SMARCA1: variants seen among roughly 807,000 people sequenced by gnomAD.
SMARCA1 encodes the protein SWI/SNF-related matrix-associated actin-dependent regulator of chromatin subfamily A member 1.
SMARCA1 carries 17 observed loss-of-function variants against 93.6 expected under a neutral mutation model. That is an observed-to-expected ratio of 0.18 (90% CI 0.12 to 0.27). The LOEUF (loss-of-function observed/expected upper bound fraction) is 0.27. Among genes scored for constraint, SMARCA1 ranks in the 10% least tolerant of loss-of-function variants. SMARCA1 has a pLI of 1.00. For missense variants in SMARCA1, 630 were observed against 819.0 expected (o/e 0.77, Z 2.82); for synonymous variants, 271 against 271.4 (o/e 1.00, Z 0.01).
At chrX:129,447,288 C>A in intron 24 of SMARCA1, 55 bp from the exon 25 acceptor site, 1 of 1,094,262 alleles carries the variant, frequency 9.1e-7, no homozygotes, top group South Asian at 2.2e-5. Context: ...TTAAATGGCC[C>A]AACAATGTTA....
intron 23 of SMARCA1, among the ~76,000 whole-genome samples, chrX:129,463,056 G>T (rs899191355): frequency 9.0e-6 from 1 of 111,035 alleles, no homozygotes; most frequent in African/African-American, 3.3e-5. Flanking sequence ...CTGGTTTAAT[G>T]ATTCCAGAAA....
rs6637606 is a variant in SMARCA1, at chrX:129,498,514, G to A, written c.1278-443C>T. Among the ~76,000 whole-genome samples, 491 of 109,781 alleles carry A rather than the reference G, an allele frequency of 4.5e-3. 4 individuals carry two copies. Among genetic ancestry groups the A allele is most frequent in the African/African-American group, 0.015 (467 of 30,179 alleles). ...GAGACTTACATATATATATACACCC[G>A]ATCAATGATAATATGTAATTATAAT... On this transcript the variant is annotated intron_variant, in intron 10 of 24. Transcript: ENST00000371121.
Position 129,480,806 on chromosome X carries a change from C to T in SMARCA1, c.2337G>A (p.Arg779=). ...VSEPKIPKAP[R]PPKQPNVQDF... ...CCTGAACATTTGGCTGTTTTGGAGG[C>T]CGTGGAGCCTATGAGGGAGGAAAAT... Residue 779 remains arginine (R), a synonymous_variant, in exon 19 of 25, where the codon CGG becomes CGA. Transcript: ENST00000371121. 1.8e-6 allele frequency: 2 copies of T among 1,137,358 alleles called. No homozygotes were observed. Among genetic ancestry groups the T allele is most frequent in the Admixed American group, 2.8e-5 (1 of 36,349 alleles). 93.7% of individuals were successfully genotyped at this position (1,137,358 alleles called of 1,213,427 possible).
intron 19 of SMARCA1, among the ~76,000 whole-genome samples, chrX:129,476,655 C>G (rs1933399386): frequency 8.9e-6 from 1 of 111,799 alleles, no homozygotes; most frequent in South Asian, 3.8e-4. Flanking sequence ...AATCTGTGTA[C>G]ACAGAATACC....
intron 16 of SMARCA1, among the ~76,000 whole-genome samples, chrX:129,488,610 TAAA>T (rs35620990): frequency 5.1e-4 from 33 of 64,916 alleles, no homozygotes; most frequent in East Asian, 4.3e-3. Context: ...CCTGTCTCTT[TAAA>T]AAAAAAAAAA....
intron 9 of SMARCA1, among the ~76,000 whole-genome samples, chrX:129,501,998 T>G (rs1459633832): frequency 8.9e-6 from 1 of 111,941 alleles, no homozygotes; most frequent in East Asian, 2.8e-4. Flanking sequence ...CTTAAGTATA[T>G]AGCAGACAAT....
intron 23 of SMARCA1, among the ~76,000 whole-genome samples, chrX:129,454,415 T>C (rs752451745): frequency 1.4e-4 from 16 of 111,946 alleles, no homozygotes; most frequent in Admixed American, 7.6e-4. Context: ...CCAAAAGCAA[T>C]GGCAACAAAA....
chrX:129,507,962 T>G lies in SMARCA1; in HGVS notation c.945A>C (p.Arg315Ser). The G allele has an allele frequency of 8.6e-7, 1 of 1,162,348 alleles. No homozygotes were observed. Among genetic ancestry groups the G allele is most frequent in the Non-Finnish European group, 1.2e-6 (1 of 868,537 alleles). ...TTACCTTAGATTTTTCATTCTTTAT[T>G]CTGTGAGCTTCATCAATGACCAGGT... ...WRYLVIDEAH[R>S]IKNEKSKLSE... Residue 315 changes from arginine (R) to serine (S), a missense_variant, in exon 7 of 25, where the codon AGA (arginine) becomes AGC (serine). Arg to Ser is a moderately radical substitution (Grantham distance 110, BLOSUM62 -1). This residue lies in a region of SMARCA1 where 382 missense variants were observed against 537.9 expected (regional missense o/e 0.71). Transcript: ENST00000371121.
intron 1 of SMARCA1, among the ~76,000 whole-genome samples, chrX:129,520,291 C>G (rs764145561): frequency 1.8e-4 from 20 of 110,069 alleles, no homozygotes; most frequent in Non-Finnish European, 3.2e-4. Flanking sequence ...AGCACAAGGT[C>G]AACAAAATGG....
rs150483895 is a variant in SMARCA1, at chrX:129,504,886, C to T, written c.1099-84G>A. On this transcript the variant is annotated intron_variant, in intron 8 of 24. Transcript: ENST00000371121. ...TCTGTAGATTCTTATACAACCAATA[C>T]GGAAATAATGCATTTAAAAAGTACT... The T allele has an allele frequency of 3.6e-3, 1,989 of 551,930 alleles. 7 individuals carry two copies. The highest frequency in any genetic ancestry group is 4.6e-3 in the Non-Finnish European group (1,550 of 334,913). 45.5% of individuals were successfully genotyped at this position (551,930 alleles called of 1,213,427 possible).
intron 23 of SMARCA1, 55 bp downstream of exon 23, chrX:129,465,465 C>T: frequency 1.2e-6 from 1 of 829,656 alleles, no homozygotes; most frequent in Non-Finnish European, 1.8e-6. Context: ...TATATGGCAT[C>T]TGAAATTTTT....
intron 12 of SMARCA1, among the ~76,000 whole-genome samples, chrX:129,496,416 G>GA (rs1367349186): frequency 9.1e-6 from 1 of 109,677 alleles, no homozygotes; most frequent in Non-Finnish European, 1.9e-5. Context: ...ATTAGGAAAA[G>GA]AAAATGACAT....
Position 129,511,972 on chromosome X carries a change from T to C in SMARCA1, c.642A>G (p.Lys214=), listed in dbSNP as rs1392905956. 5.8e-6 allele frequency: 7 copies of C among 1,199,148 alleles called. No individual in the cohort carries two copies. Among genetic ancestry groups the C allele is most frequent in the Non-Finnish European group, 7.9e-6 (7 of 889,092 alleles). Residue 214 remains lysine (K), a synonymous_variant, in exon 6 of 25, where the codon AAA becomes AAG. Transcript: ENST00000371121. Reference sequence around the variant, plus strand: ...CAAGCAAAGCAATTGTTTGTAAAGTTTTCCCAAGGCCCTGCATTATCATCA... The same window carrying C: ...CAAGCAAAGCAATTGTTTGTAAAGTCTTCCCAAGGCCCTGCATTATCATCA... ...GILADEMGLG[K]TLQTIALLGY...
At chrX:129,516,230 A>G in intron 3 of SMARCA1, 101 bp downstream of exon 3, 1 of 777,655 alleles carries the variant, frequency 1.3e-6, no homozygotes, top group Non-Finnish European at 1.9e-6. Context: ...AGGTATACTG[A>G]ACAATGAAGA....
intron 23 of SMARCA1, among the ~76,000 whole-genome samples, chrX:129,455,466 G>A (rs1226144474): frequency 9.9e-6 from 1 of 100,947 alleles, no homozygotes; most frequent in Admixed American, 1.1e-4. Context: ...GGGGGTGGGG[G>A]ACTAGGGGAG....
At chrX:129,457,749 G>C (rs1162171633) in intron 23 of SMARCA1, among the ~76,000 whole-genome samples, 1 of 111,809 alleles carries the variant, frequency 8.9e-6, no homozygotes, top group African/African-American at 3.2e-5. Context: ...GCTACCTCAT[G>C]GTTTCCAAAA....
intron 23 of SMARCA1, among the ~76,000 whole-genome samples, chrX:129,461,916 C>T (rs1408302): frequency 1.0e-3 from 114 of 111,523 alleles, no homozygotes; most frequent in Middle Eastern, 4.7e-3. Context: ...CTCATTTTCT[C>T]TTTTGTATAG....
intron 20 of SMARCA1, among the ~76,000 whole-genome samples, chrX:129,469,248 T>C (rs897490171): frequency 1.8e-5 from 2 of 111,663 alleles, no homozygotes; most frequent in African/African-American, 6.5e-5. Flanking sequence ...TCAATGATTT[T>C]TTTCACAGAT....
At chrX:129,473,242 T>G (rs746846075) in intron 19 of SMARCA1, among the ~76,000 whole-genome samples, 1 of 111,354 alleles carries the variant, frequency 9.0e-6, no homozygotes, top group East Asian at 2.8e-4. Flanking sequence ...TGGACTGAAG[T>G]GGGGCAGCGA....
Sources: allele counts gnomAD v4.1 joint callset (sites outside exome capture counted in the v4.1 genomes callset), GRCh38; gene constraint gnomAD v4.1.1; regional missense constraint gnomAD v4.1.1; transcripts MANE v1.5; gene names NCBI Gene and HGNC (gene_info 2026-07-23, HGNC 2026-07-21).